Variants in SBF2 observed in about 807,000 individuals in gnomAD.
SBF2 encodes the protein myotubularin-related protein 13.
Under a neutral mutation model 225.2 loss-of-function variants are expected in SBF2, and 112 were observed. That is an observed-to-expected ratio of 0.50 (90% CI 0.43 to 0.58). The LOEUF is 0.58. Among genes scored for constraint, SBF2 ranks in the 20% least tolerant of loss-of-function variants. SBF2 has a pLI of 0.00. For synonymous variants in SBF2, 763 were observed against 773.3 expected (o/e 0.99, Z 0.22); for missense variants, 1,996 against 2,206.2 (o/e 0.90, Z 1.91).
intron 13 of SBF2, among the ~76,000 whole-genome samples, chr11:9,971,597 T>A (rs1197105807): frequency 6.6e-6 from 1 of 152,130 alleles, no homozygotes; most frequent in Non-Finnish European, 1.5e-5. Flanking sequence ...GAGGATAGTT[T>A]AAGCCTGGGA....
intron 1 of SBF2, among the ~76,000 whole-genome samples, chr11:10,244,128 T>C (rs1959519992): frequency 6.6e-6 from 1 of 152,214 alleles, no homozygotes; most frequent in Admixed American, 6.5e-5. Flanking sequence ...TAGGCCAATA[T>C]ACATAACTCA....
intron 1 of SBF2, among the ~76,000 whole-genome samples, chr11:10,258,107 C>CACA (rs1391665789): frequency 1.4e-5 from 2 of 147,414 alleles, no homozygotes; most frequent in East Asian, 4.0e-4. Context: ...CACACACACA[C>CACA]ACTTTTTTTT....
chr11:9,848,738 A>G (rs1487142315), intron 22 of SBF2, among the ~76,000 whole-genome samples: 1 of 152,258 alleles, frequency 6.6e-6, no homozygotes, highest in Non-Finnish European at 1.5e-5. Context: ...TGTGTATAGC[A>G]ATATGAAGGA....
intron 28 of SBF2, chr11:9,819,182 T>A (rs552585825): frequency 7.2e-5 from 11 of 152,220 alleles, no homozygotes; most frequent in Non-Finnish European, 1.3e-4. Context: ...TAGTTTCACA[T>A]GAAGATGGTT....
At chr11:9,987,303 C>T (rs1947242267) in intron 13 of SBF2, among the ~76,000 whole-genome samples, 1 of 152,084 alleles carries the variant, frequency 6.6e-6, no homozygotes, top group Non-Finnish European at 1.5e-5. Flanking sequence ...CTATAACAAA[C>T]CCACAGTCAC....
At chr11:10,145,083 G>A (rs1954825530) in intron 2 of SBF2, among the ~76,000 whole-genome samples, 1 of 152,188 alleles carries the variant, frequency 6.6e-6, no homozygotes, top group South Asian at 2.1e-4. Flanking sequence ...GTAGCACAAA[G>A]AGGCGATGGC....
At chr11:10,207,770 G>A (rs72861781) in intron 1 of SBF2, among the ~76,000 whole-genome samples, 8,189 of 151,580 alleles carry the variant, frequency 0.054, 334 homozygotes, top group Middle Eastern at 0.14. Flanking sequence ...AAGCCCAAAG[G>A]CACAATAATT....
intron 6 of SBF2, among the ~76,000 whole-genome samples, chr11:10,003,050 C>A (rs975481569): frequency 8.5e-5 from 13 of 152,142 alleles, no homozygotes; most frequent in Non-Finnish European, 7.4e-5. Context: ...AATACCACAC[C>A]AGCTTTGTTG....
chr11:10,017,383 G>C (rs1948696768), intron 6 of SBF2, among the ~76,000 whole-genome samples: 1 of 152,094 alleles, frequency 6.6e-6, no homozygotes, highest in Non-Finnish European at 1.5e-5. Flanking sequence ...ACCCACAACG[G>C]GGAAAACAGT....
At chr11:10,028,856 A>T (rs1021804076) in intron 5 of SBF2, among the ~76,000 whole-genome samples, 5 of 152,244 alleles carry the variant, frequency 3.3e-5, no homozygotes, top group African/African-American at 1.2e-4. Context: ...ATAAAGGCTC[A>T]TAAAGCAATT....
chr11:10,196,963 C>G (rs1957399565), intron 1 of SBF2, among the ~76,000 whole-genome samples: 2 of 149,254 alleles, frequency 1.3e-5, no homozygotes, highest in South Asian at 2.1e-4. Context: ...TGTTGTTGAA[C>G]ATACATTTTC....
At chr11:9,961,278 C>G (rs906367467) in intron 16 of SBF2, 1 of 152,126 alleles carries the variant, frequency 6.6e-6, no homozygotes, top group Non-Finnish European at 1.5e-5. Flanking sequence ...TTTACTTTGT[C>G]TGGAGTCCCA....
At chr11:9,794,676 C>CAAAAAAAAAAAAAAAAAAAAAAAAA (rs575749593) in intron 33 of SBF2, among the ~76,000 whole-genome samples, 1 of 35,354 alleles carries the variant, frequency 2.8e-5, no homozygotes, top group Non-Finnish European at 4.8e-5. Context: ...GACTCCGTCT[C>CAAAAAAAAAAAAAAAAAAAAAAAAA]AAAAAAAAAA....
chr11:10,248,964 C>T (rs1290747697), intron 1 of SBF2, among the ~76,000 whole-genome samples: 1 of 151,936 alleles, frequency 6.6e-6, no homozygotes, highest in Non-Finnish European at 1.5e-5. Context: ...GGGGTGGTGG[C>T]GGGAGCCTGT....
intron 2 of SBF2, among the ~76,000 whole-genome samples, chr11:10,101,409 A>G (rs1351456407): frequency 2.0e-5 from 3 of 152,152 alleles, no homozygotes; most frequent in Non-Finnish European, 4.4e-5. Context: ...AGTTCCCCAC[A>G]CAGTCTGTTG....
At chr11:9,963,143 T>C (rs1866684893) in intron 15 of SBF2, among the ~76,000 whole-genome samples, 1 of 152,174 alleles carries the variant, frequency 6.6e-6, no homozygotes, top group Non-Finnish European at 1.5e-5. Flanking sequence ...CTAACTAGAT[T>C]CTTTGCAATA....
At chr11:10,030,440 C>T (rs578017460) in intron 4 of SBF2, among the ~76,000 whole-genome samples, 11 of 152,130 alleles carry the variant, frequency 7.2e-5, no homozygotes, top group African/African-American at 2.2e-4. Context: ...CTTGGAGTTA[C>T]GCATTGTCAT....
At chr11:9,785,436 T>C (rs1590078028) in intron 36 of SBF2, 118 bp from the exon 37 acceptor site, 7 of 810,454 alleles carry the variant, frequency 8.6e-6, no homozygotes, top group African/African-American at 1.7e-5. Context: ...GCAACAATAA[T>C]GTACAAAGGT....
At chr11:9,972,657 A>G (rs770746366) in intron 13 of SBF2, among the ~76,000 whole-genome samples, 15 of 151,856 alleles carry the variant, frequency 9.9e-5, no homozygotes, top group Non-Finnish European at 2.1e-4. Context: ...ATTCTTTTGT[A>G]TTTTTAGTAG....
Sources: allele counts gnomAD v4.1 joint callset (sites outside exome capture counted in the v4.1 genomes callset), GRCh38; gene constraint gnomAD v4.1.1; transcripts MANE v1.5; gene names NCBI Gene and HGNC (gene_info 2026-07-23, HGNC 2026-07-21).